Variants in TLL2 observed in about 807,000 individuals in gnomAD.
TLL2 encodes the protein tolloid like 2, also known as tolloid-like protein 2.
TLL2 carries 106 observed loss-of-function variants against 123.0 expected under a neutral mutation model. The observed-to-expected ratio is 0.86, with a 90% CI of 0.74 to 1.01. The LOEUF (loss-of-function observed/expected upper bound fraction) is 1.01, where lower values mean the gene tolerates loss of function less well. TLL2 is among the 50% of genes least tolerant of loss of function. The pLI is 0.00. For synonymous variants in TLL2, 494 were observed against 516.8 expected (o/e 0.96, Z 0.60); for missense variants, 1,332 against 1,336.7 (o/e 1.00, Z 0.06).
intron 1 of TLL2, among the ~76,000 whole-genome samples, chr10:96,491,435 A>C (rs1212260569): frequency 6.6e-6 from 1 of 152,112 alleles, no homozygotes; most frequent in East Asian, 1.9e-4. Flanking sequence ...CATCCACGAA[A>C]ATGCCCTCAG....
At position 96,421,058 on chromosome 10, in the gene TLL2, T is replaced by C. The variant is rs767002859; in HGVS notation, c.821A>G (p.Gln274Arg). The part of the protein sequence containing the change: ...TIIRENIQPG[Q>R]EYNFLKMEAG... ...TTCCATTTTTAAGAAATTATACTCC[T>C]GACCTGTGACACAACACTGTGTTAA... is the stretch of plus-strand genomic sequence containing the variant. Residue 274 changes from glutamine (Q) to arginine (R), a missense_variant, in exon 7 of 21, where the codon CAG (glutamine) becomes CGG (arginine). Transcript: ENST00000357947. The C allele has an allele frequency of 6.2e-7, 1 of 1,613,054 alleles. No individual in the cohort carries two copies. The highest frequency in any genetic ancestry group is 8.5e-7 in the Non-Finnish European group (1 of 1,179,082).
intron 11 of TLL2, among the ~76,000 whole-genome samples, 182 bp from the exon 12 acceptor site, chr10:96,396,202 A>ACT (rs886137599): frequency 1.3e-5 from 2 of 151,140 alleles, no homozygotes; most frequent in Non-Finnish European, 3.0e-5. Context: ...TTTGTCTTTA[A>ACT]CTCTGAATTT....
intron 14 of TLL2, 82 bp from the exon 15 acceptor site, chr10:96,386,297 T>C: frequency 1.5e-6 from 2 of 1,347,070 alleles, no homozygotes; most frequent in Non-Finnish European, 2.0e-6. Flanking sequence ...AATAGAGCCT[T>C]GCTGTTCTGT....
intron 10 of TLL2, among the ~76,000 whole-genome samples, chr10:96,403,619 C>G (rs991264950): frequency 5.3e-5 from 8 of 152,190 alleles, no homozygotes; most frequent in Non-Finnish European, 1.2e-4. Flanking sequence ...TATTGTCTCC[C>G]CATGTGATAG....
At chr10:96,403,549 C>T (rs536956240) in intron 10 of TLL2, among the ~76,000 whole-genome samples, 7 of 152,260 alleles carry the variant, frequency 4.6e-5, no homozygotes, top group South Asian at 2.1e-4. Context: ...TAAAAGTCAT[C>T]GCCATTCTCT....
intron 13 of TLL2, 47 bp downstream of exon 13, chr10:96,395,140 A>G (rs747435797): frequency 1.3e-6 from 2 of 1,542,648 alleles, no homozygotes; most frequent in Admixed American, 1.9e-5. Context: ...AGGGGGAGCA[A>G]TATTTCTTCT....
chr10:96,386,911 C>T, intron 14 of TLL2, 42 bp downstream of exon 14: 1 of 1,610,570 alleles, frequency 6.2e-7, no homozygotes, highest in South Asian at 1.1e-5. Flanking sequence ...AAGACTTGTC[C>T]CATATACCCT....
intron 3 of TLL2, among the ~76,000 whole-genome samples, chr10:96,445,059 G>A (rs1006099189): frequency 1.3e-5 from 2 of 152,132 alleles, no homozygotes; most frequent in Admixed American, 1.3e-4. Flanking sequence ...CACGGTGGCG[G>A]GCGCCTGTAG....
intron 3 of TLL2, among the ~76,000 whole-genome samples, chr10:96,441,354 G>A (rs1317122840): frequency 6.6e-6 from 1 of 152,206 alleles, no homozygotes; most frequent in Non-Finnish European, 1.5e-5. Flanking sequence ...AAGTAAAGGG[G>A]AGACTAGACC....
intron 2 of TLL2, among the ~76,000 whole-genome samples, chr10:96,479,064 A>G (rs907176516): frequency 8.5e-5 from 13 of 152,238 alleles, no homozygotes; most frequent in African/African-American, 3.1e-4. Flanking sequence ...TGGTAGAATT[A>G]TGCAAAGATG....
At chr10:96,403,608 G>A (rs977216425) in intron 10 of TLL2, among the ~76,000 whole-genome samples, 2 of 152,132 alleles carry the variant, frequency 1.3e-5, no homozygotes, top group Non-Finnish European at 2.9e-5. Context: ...TGAAAGCGGG[G>A]TATTGTCTCC....
At chr10:96,372,132 G>A (rs1846090177) in intron 19 of TLL2, among the ~76,000 whole-genome samples, 1 of 152,220 alleles carries the variant, frequency 6.6e-6, no homozygotes, top group African/African-American at 2.4e-5. Context: ...TCTATCTGCA[G>A]GGACAAGAGG....
rs1446775472 is a variant in TLL2, at chr10:96,428,698, T to C, written c.571A>G (p.Thr191Ala). 6.2e-7 allele frequency: 1 copy of C among 1,614,096 alleles called. No homozygotes were observed. The highest frequency in any genetic ancestry group is 8.5e-7 in the Non-Finnish European group (1 of 1,179,956). ...KQAMRHWEKH[T>A]CVTFIERTDE... ...GTCCTTTCTATGAAGGTCACACAGGTGTGCTTCTCCCAGTGTCTCATGGCC... is the reference window on the plus strand; with the variant it reads ...GTCCTTTCTATGAAGGTCACACAGGCGTGCTTCTCCCAGTGTCTCATGGCC... Residue 191 changes from threonine to alanine, a missense_variant, in exon 5 of 21, where the codon ACC becomes GCC. By Grantham distance (58) the Thr-to-Ala change is moderately conservative (BLOSUM62 0). Coordinates refer to ENST00000357947, the MANE Select transcript of TLL2 (RefSeq NM_012465.4).
intron 7 of TLL2, among the ~76,000 whole-genome samples, chr10:96,416,861 G>A (rs1846567960): frequency 6.6e-6 from 1 of 152,160 alleles, no homozygotes; most frequent in Non-Finnish European, 1.5e-5. Flanking sequence ...CTAAGACAGA[G>A]TTCAGCAGAT....
chr10:96,378,936 G>GC (rs759641285), intron 17 of TLL2, 31 bp downstream of exon 17: 31 of 1,610,532 alleles, frequency 1.9e-5, no homozygotes, highest in Middle Eastern at 1.7e-4. Flanking sequence ...AGGGCAGCCC[G>GC]CCCCCCCAAC....
chr10:96,432,672 G>T (rs542745645), intron 4 of TLL2, 135 bp downstream of exon 4: 25 of 1,121,872 alleles, frequency 2.2e-5, no homozygotes, highest in African/African-American at 2.0e-4. Flanking sequence ...CCGGCAAGAG[G>T]GGGGCATCAT....
At chr10:96,427,779 T>TTTG (rs1205939455) in intron 5 of TLL2, among the ~76,000 whole-genome samples, 3 of 152,132 alleles carry the variant, frequency 2.0e-5, no homozygotes, top group Admixed American at 6.6e-5. Context: ...TTTGGTTTTT[T>TTTG]TTGTTGTTGT....
intron 3 of TLL2, among the ~76,000 whole-genome samples, chr10:96,438,875 T>C (rs61695982): frequency 0.025 from 3,794 of 152,208 alleles, 145 homozygotes; most frequent in African/African-American, 0.085. Context: ...AGGTGTTAGA[T>C]TTTGTTAAAT....
At chr10:96,374,953 A>G (rs1022500084) in intron 18 of TLL2, among the ~76,000 whole-genome samples, 1 of 59,766 alleles carries the variant, frequency 1.7e-5, no homozygotes, top group African/African-American at 1.2e-4. Flanking sequence ...GAGACAGGAC[A>G]TTAGTTGCGG....
Sources: allele counts gnomAD v4.1 joint callset (sites outside exome capture counted in the v4.1 genomes callset), GRCh38; gene constraint gnomAD v4.1.1; transcripts MANE v1.5; gene names NCBI Gene and HGNC (gene_info 2026-07-23, HGNC 2026-07-21).